Variants in RARB observed in about 807,000 individuals in gnomAD.
RARB encodes HBV-activated protein.
In RARB, 17 loss-of-function variants were observed where a neutral mutation model predicts 51.9. The ratio of observed to expected loss-of-function variants is 0.33; its 90% CI spans 0.22 to 0.49. RARB has a LOEUF of 0.49. RARB is among the 20% of genes least tolerant of loss of function. The pLI is 0.99. For missense variants in RARB, 369 were observed against 550.8 expected (o/e 0.67, Z 3.30); for synonymous variants, 215 against 195.4 (o/e 1.10, Z -0.84).
intron 3 of RARB, among the ~76,000 whole-genome samples, chr3:25,083,977 G>C (rs1320625441): frequency 6.6e-6 from 1 of 152,126 alleles, no homozygotes; most frequent in African/African-American, 2.4e-5. Context: ...AGTACTGTGT[G>C]GCTTTTGGAA....
At chr3:25,354,796 T>A (rs1705681623) in intron 5 of RARB, among the ~76,000 whole-genome samples, 1 of 148 alleles carries the variant, frequency 6.8e-3, no homozygotes, top group Non-Finnish European at 0.016. Context: ...GCTATTCAAT[T>A]GTTGAAGGGG....
chr3:24,930,230 T>C (rs1695410035), intron 2 of RARB, among the ~76,000 whole-genome samples: 1 of 152,112 alleles, frequency 6.6e-6, no homozygotes, highest in South Asian at 2.1e-4. Context: ...AGGCAGAATG[T>C]AGAGAGCTCT....
chr3:25,013,513 C>T (rs928523753), intron 2 of RARB, among the ~76,000 whole-genome samples: 1 of 152,104 alleles, frequency 6.6e-6, no homozygotes, highest in Non-Finnish European at 1.5e-5. Context: ...GCCATGAAGA[C>T]TGACCCTCAT....
intron 2 of RARB, among the ~76,000 whole-genome samples, chr3:24,860,861 G>A (rs1559374207): frequency 6.6e-6 from 1 of 152,048 alleles, no homozygotes; most frequent in African/African-American, 2.4e-5. Flanking sequence ...TGAACTCAAG[G>A]GGCTTCTTGT....
upstream of RARB, among the ~76,000 whole-genome samples, chr3:25,423,267 C>A (rs893283346): frequency 1.3e-5 from 2 of 152,198 alleles, no homozygotes; most frequent in Admixed American, 6.5e-5. Flanking sequence ...GCCCACAGGG[C>A]TTCTTTGCAC....
rs138817752 is a variant in RARB at position 24,983,226 on chromosome 3, G to A, written c.-379-76899G>A. Among the ~76,000 whole-genome samples, 217 of 151,898 alleles carry A rather than the reference G, an allele frequency of 1.4e-3. No homozygotes were observed. In the Middle Eastern group the frequency reaches 0.024, roughly 17 times the overall value. ...TCTGCCAACCTCATTATATCTTTTA[G>A]TAGAATTGTACCTGAGCACTTACAT... On this transcript the variant is annotated intron_variant, in intron 2 of 11. Coordinates refer to the RARB transcript ENST00000383772.
chr3:25,495,201 C>T (rs1696963078), intron 2 of RARB, among the ~76,000 whole-genome samples: 1 of 151,978 alleles, frequency 6.6e-6, no homozygotes, highest in South Asian at 2.1e-4. Context: ...AAACGGGGTT[C>T]ATGTGTGAAG....
intron 4 of RARB, among the ~76,000 whole-genome samples, chr3:25,162,098 A>G (rs544032471): frequency 9.9e-5 from 15 of 152,048 alleles, no homozygotes; most frequent in African/African-American, 3.4e-4. Flanking sequence ...ATATGTGCCT[A>G]TTTCTTTTTT....
chr3:25,013,763 C>T lies in RARB; in HGVS notation c.-379-46362C>T, dbSNP rs962215257. Among the ~76,000 whole-genome samples the T allele has an allele frequency of 5.3e-5, 8 of 152,046 alleles. No homozygotes were observed. In the East Asian group the frequency reaches 5.8e-4, roughly 11 times the overall value. On this transcript the variant is annotated intron_variant, in intron 2 of 11. Coordinates refer to the RARB transcript ENST00000383772. Reference sequence around the variant, plus strand: ...TGCTGGTCAGAAAGGTCTCCCACACCGGGCTTCAAGGCTCAAGGGTAGACT... The same window carrying T: ...TGCTGGTCAGAAAGGTCTCCCACACTGGGCTTCAAGGCTCAAGGGTAGACT...
intron 4 of RARB, among the ~76,000 whole-genome samples, chr3:25,578,333 G>A (rs1422653260): frequency 6.6e-6 from 1 of 152,214 alleles, no homozygotes; most frequent in Non-Finnish European, 1.5e-5. Flanking sequence ...TAGTGAGTTA[G>A]ATTTACATGC....
rs758062670 is a variant in RARB at position 25,176,293 on chromosome 3, T to TTTTCTTTCTTTCTTTCTTTC, written c.178+1743_178+1762dup. On this transcript the variant is annotated intron_variant, in intron 5 of 11. Transcript: ENST00000383772. ...TGATTTATTTTTATTTATATTTATCTTTTCTTTCTTTCTTTCTTTCTTTCT... is the reference window on the plus strand; with the variant it reads ...TGATTTATTTTTATTTATATTTATCTTTTCTTTCTTTCTTTCTTTCTTTCTTTCTTTCTTTCTTTCTTTCT... 6.5e-4 allele frequency among the ~76,000 whole-genome samples: 42 copies of TTTTCTTTCTTTCTTTCTTTC among 64,206 alleles called. 4 individuals are homozygous for TTTTCTTTCTTTCTTTCTTTC. Among genetic ancestry groups the TTTTCTTTCTTTCTTTCTTTC allele is most frequent in the South Asian group, 1.5e-3 (3 of 1,948 alleles). The allele number at this position is 64,206 out of a possible 152,430, so 42.1% of individuals were successfully genotyped here. A position where few individuals can be genotyped will look rare whatever the true frequency, so the allele number is the denominator to read the frequency against.
chr3:25,540,493 C>T (rs1466125491), intron 3 of RARB, among the ~76,000 whole-genome samples: 5 of 152,160 alleles, frequency 3.3e-5, no homozygotes, highest in East Asian at 1.9e-4. Context: ...TTTTAACTTC[C>T]GCCCTCATCC....
At chr3:25,248,924 T>A (rs1407186992) in intron 5 of RARB, among the ~76,000 whole-genome samples, 3 of 152,288 alleles carry the variant, frequency 2.0e-5, no homozygotes, top group South Asian at 2.1e-4. Flanking sequence ...AAGAGTTTTT[T>A]AATTATATCT....
At chr3:25,127,920 A>G (rs1699887696) in intron 3 of RARB, among the ~76,000 whole-genome samples, 1 of 152,098 alleles carries the variant, frequency 6.6e-6, no homozygotes, top group Non-Finnish European at 1.5e-5. Context: ...GAAAAACAAA[A>G]AAGCCACCAT....
At position 25,184,456 on chromosome 3, in the gene RARB, A is replaced by C. The variant is rs55726614; in HGVS notation, c.178+9881A>C. Among the ~76,000 whole-genome samples the C allele has an allele frequency of 5.7e-3, 865 of 152,206 alleles. 4 individuals are homozygous for C. The highest frequency in any genetic ancestry group is 0.016 in the South Asian group (75 of 4,820). On this transcript the variant is annotated intron_variant, in intron 5 of 11. Coordinates refer to the RARB transcript ENST00000383772. ...CCTCTGGGAGCTTATAGTTAACTCA[A>C]AACTAATCATTAGGAAAGGTTCATC... is the stretch of plus-strand genomic sequence containing the variant.
intron 5 of RARB, among the ~76,000 whole-genome samples, chr3:25,317,267 G>C (rs1168974180): frequency 6.6e-6 from 1 of 152,094 alleles, no homozygotes; most frequent in Non-Finnish European, 1.5e-5. Flanking sequence ...TGATGACTAG[G>C]TGGTTGGATG....
chr3:25,111,703 C>T (rs1188755961), intron 3 of RARB, among the ~76,000 whole-genome samples: 20 of 151,594 alleles, frequency 1.3e-4, no homozygotes, highest in African/African-American at 3.9e-4. Flanking sequence ...CTCAGCCTCC[C>T]GAGTAGCTGA....
At chr3:25,292,448 G>T (rs112859325) in intron 5 of RARB, among the ~76,000 whole-genome samples, 38 of 152,296 alleles carry the variant, frequency 2.5e-4, no homozygotes, top group African/African-American at 7.7e-4. Context: ...GGAGCCAAAT[G>T]CTATGCCCCG....
At chr3:25,207,001 C>T (rs1040621305) in intron 5 of RARB, among the ~76,000 whole-genome samples, 3 of 152,160 alleles carry the variant, frequency 2.0e-5, no homozygotes, top group Non-Finnish European at 2.9e-5. Flanking sequence ...CTGCTTTTTC[C>T]ATGGTTATTT....
Sources: gnomAD v4.1 joint callset for allele counts (sites outside exome capture counted in the v4.1 genomes callset) on GRCh38, gnomAD v4.1.1 for gene constraint, MANE v1.5 for transcripts, NCBI Gene and HGNC (gene_info 2026-07-23, HGNC 2026-07-21) for gene names.